The following IGSF21 variants were observed in gnomAD, a reference collection of about 807,000 sequenced individuals.
The protein encoded by IGSF21 is immunoglobulin superfamily member 21.
IGSF21 carries 28 observed loss-of-function variants against 46.8 expected under a neutral mutation model. The ratio of observed to expected loss-of-function variants is 0.60; its 90% CI spans 0.44 to 0.82. The LOEUF (loss-of-function observed/expected upper bound fraction) is 0.82. IGSF21 is among the 40% of genes least tolerant of loss of function. The pLI is 0.00. For missense variants in IGSF21, 624 were observed against 665.5 expected, an observed-to-expected ratio of 0.94 and a Z score of 0.69; for synonymous variants, 284 against 273.6, an observed-to-expected ratio of 1.04 and a Z score of -0.38.
At chr1:18,367,921 G>A (rs1225965076) in intron 6 of IGSF21, among the ~76,000 whole-genome samples, 1 of 151,904 alleles carries the variant, frequency 6.6e-6, no homozygotes, top group Non-Finnish European at 1.5e-5. Flanking sequence ...GATTTTCACA[G>A]GCCACCTGCC....
At chr1:18,120,997 G>A (rs1169032877) in intron 1 of IGSF21, among the ~76,000 whole-genome samples, 2 of 152,032 alleles carry the variant, frequency 1.3e-5, no homozygotes, top group African/African-American at 2.4e-5. Flanking sequence ...TATTTCACAC[G>A]GAGACGTTCT....
chr1:18,228,008 C>G lies in IGSF21; in HGVS notation c.181C>G (p.Arg61Gly). The change falls in exon 2 of 10, where the codon CGG becomes GGG. Residue 61 changes from arginine (R) to glycine (G), a missense_variant and splice_region_variant. Transcript: ENST00000251296. ...GCGCATGCGGGAGATCGTGTGGTAC[C>G]GGGTAAGTCACTACTACTGCCCCCT... is the stretch of plus-strand genomic sequence containing the variant. The part of the protein sequence containing the change: ...DGRMREIVWY[R>G]VTDGGTIKQK... 6.2e-7 allele frequency: 1 copy of G among 1,611,780 alleles called. No homozygotes were observed. Among genetic ancestry groups the G allele is most frequent in the Non-Finnish European group, 8.5e-7 (1 of 1,177,958 alleles).
intron 3 of IGSF21, among the ~76,000 whole-genome samples, chr1:18,304,044 G>A (rs879689231): frequency 2.7e-4 from 41 of 152,120 alleles, no homozygotes; most frequent in Non-Finnish European, 4.0e-4. Context: ...CTGGACAGGC[G>A]GAGGTGGAGA....
In IGSF21 at chr1:18,290,378, T is replaced by C. The variant is rs1297230911; in HGVS notation, c.184-1488T>C. Among the ~76,000 whole-genome samples the C allele has an allele frequency of 6.6e-6, 1 of 152,174 alleles. No individual in the cohort carries two copies. Among genetic ancestry groups the C allele is most frequent in the Non-Finnish European group, 1.5e-5 (1 of 68,016 alleles). Reference sequence around the variant, plus strand: ...CGACAGAGATAGGAGGGGTGTGGGCTTACGGAGGGGTAAGGAGAAGCCGTG... The same window carrying C: ...CGACAGAGATAGGAGGGGTGTGGGCCTACGGAGGGGTAAGGAGAAGCCGTG... On this transcript the variant is annotated intron_variant, in intron 2 of 9. Transcript: ENST00000251296. The surrounding 1 kb of genome is among the most constrained non-coding windows in gnomAD (Gnocchi z 4.2).
intron 1 of IGSF21, among the ~76,000 whole-genome samples, chr1:18,182,686 G>T (rs2086868247): frequency 6.6e-6 from 1 of 152,226 alleles, no homozygotes; most frequent in South Asian, 2.1e-4. Flanking sequence ...ATGAATGAAT[G>T]AAACATGAAA....
chr1:18,168,221 C>T (rs1251516984), intron 1 of IGSF21, among the ~76,000 whole-genome samples: 1 of 152,146 alleles, frequency 6.6e-6, no homozygotes, highest in Non-Finnish European at 1.5e-5. Context: ...GAGCATCTGG[C>T]CGTTAACTTA....
intron 2 of IGSF21, among the ~76,000 whole-genome samples, chr1:18,243,565 C>G (rs1169985918): frequency 6.6e-6 from 1 of 152,164 alleles, no homozygotes; most frequent in Non-Finnish European, 1.5e-5. Context: ...CACCAAGCAG[C>G]CAGAGTGACC....
chr1:18,108,111 C>T lies in IGSF21; in HGVS notation c.-18C>T, dbSNP rs2086108433. 2.3e-6 allele frequency: 3 copies of T among 1,288,952 alleles called. No homozygotes were observed. The highest frequency in any genetic ancestry group is 3.3e-5 in the East Asian group (1 of 30,190). The allele number at this position is 1,288,952 out of a possible 1,614,324, so 79.8% of individuals were successfully genotyped here. On this transcript the variant is annotated 5_prime_UTR_variant, in exon 1 of 10. Transcript: ENST00000251296. ...TCCACCCCCGCCGCCCCGCCACCGC[C>T]GCCAGCTCCCGGGCACCATGCGAAC...
intron 1 of IGSF21, among the ~76,000 whole-genome samples, chr1:18,197,517 T>TCC: frequency 6.6e-6 from 1 of 152,368 alleles, no homozygotes; most frequent in East Asian, 1.9e-4. Flanking sequence ...GATGTTCTAA[T>TCC]AACTGCATTT....
intron 1 of IGSF21, among the ~76,000 whole-genome samples, chr1:18,185,691 T>C (rs2086896774): frequency 6.6e-6 from 1 of 152,178 alleles, no homozygotes; most frequent in Non-Finnish European, 1.5e-5. Context: ...GCAAGCAACT[T>C]TACCTCTCCG....
chr1:18,108,537 G>C (rs1018494310), intron 1 of IGSF21, among the ~76,000 whole-genome samples: 3 of 151,818 alleles, frequency 2.0e-5, no homozygotes, highest in Admixed American at 2.0e-4. Context: ...TGTGGGGTCT[G>C]CGTGTGAGTG....
At chr1:18,205,298 CAT>C (rs1178036085) in intron 1 of IGSF21, among the ~76,000 whole-genome samples, 14 of 151,920 alleles carry the variant, frequency 9.2e-5, no homozygotes, top group Non-Finnish European at 1.8e-4. Flanking sequence ...CTACAATAAA[CAT>C]ATATGATTCT....
chr1:18,314,907 C>G (rs2085525530), intron 3 of IGSF21, among the ~76,000 whole-genome samples: 1 of 151,994 alleles, frequency 6.6e-6, no homozygotes, highest in African/African-American at 2.4e-5. Context: ...TGCTGGGGGT[C>G]CCAGGAGGCC....
intron 2 of IGSF21, among the ~76,000 whole-genome samples, chr1:18,259,570 C>T (rs1456715000): frequency 2.0e-5 from 3 of 152,204 alleles, no homozygotes; most frequent in South Asian, 2.1e-4. Flanking sequence ...GAACCTCTTG[C>T]ATTCTAGTCT....
intron 1 of IGSF21, among the ~76,000 whole-genome samples, chr1:18,196,307 G>A (rs1401922698): frequency 6.6e-6 from 1 of 152,062 alleles, no homozygotes; most frequent in Non-Finnish European, 1.5e-5. Context: ...AGTAATTTGG[G>A]TTATTACTAA....
At chr1:18,237,184 G>A (rs927099371) in intron 2 of IGSF21, among the ~76,000 whole-genome samples, 6 of 152,252 alleles carry the variant, frequency 3.9e-5, no homozygotes, top group East Asian at 3.9e-4. Context: ...AGTGGCAGCC[G>A]AGAGCGTTTA....
intron 4 of IGSF21, among the ~76,000 whole-genome samples, chr1:18,360,125 G>A (rs1006954528): frequency 3.9e-5 from 6 of 152,182 alleles, no homozygotes; most frequent in Admixed American, 6.5e-5. Context: ...AGAGTTAGCC[G>A]TTGTGGATTC....
chr1:18,109,996 C>A lies in IGSF21; in HGVS notation c.70+1798C>A, dbSNP rs950638335. 6 of 152,262 alleles carry A rather than the reference C, an allele frequency of 3.9e-5. No homozygotes were observed. Among genetic ancestry groups the A allele is most frequent in the Non-Finnish European group, 8.8e-5 (6 of 68,082 alleles). The allele number at this position is 152,262 out of a possible 1,614,324, so 9.4% of individuals were successfully genotyped here. A position where few individuals can be genotyped will look rare whatever the true frequency, so the allele number is the denominator to read the frequency against. On this transcript the variant is annotated intron_variant, in intron 1 of 9. Coordinates refer to ENST00000251296, the MANE Select transcript of IGSF21 (RefSeq NM_032880.5). The surrounding 1 kb of genome is among the most constrained non-coding windows in gnomAD (Gnocchi z 4.8). ...CTGGCTCCGTCAGGACCCCACCCTG[C>A]GAGCTCTCCCTGGAACCCGGGAGCA... is the stretch of plus-strand genomic sequence containing the variant.
chr1:18,200,902 A>T (rs1412688892), intron 1 of IGSF21, among the ~76,000 whole-genome samples: 1 of 152,140 alleles, frequency 6.6e-6, no homozygotes, highest in Non-Finnish European at 1.5e-5. Context: ...AGGGATAATG[A>T]GGAGGGGTCC....
Sources: allele counts gnomAD v4.1 joint callset (sites outside exome capture counted in the v4.1 genomes callset), GRCh38; gene constraint gnomAD v4.1.1; non-coding constraint Gnocchi (gnomAD v3.1); transcripts MANE v1.5; gene names NCBI Gene and HGNC (gene_info 2026-07-23, HGNC 2026-07-21).